Variants in CDS2 observed in about 807,000 individuals in gnomAD.
The protein encoded by CDS2 is phosphatidate cytidylyltransferase 2.
Under a neutral mutation model 59.0 loss-of-function variants are expected in CDS2, and 47 were observed. That is an observed-to-expected ratio of 0.80 (90% confidence interval 0.63 to 1.02). The LOEUF (loss-of-function observed/expected upper bound fraction) is 1.02, where lower values mean the gene tolerates loss of function less well. Ranked by LOEUF, CDS2 falls within the 50% of genes least tolerant of loss-of-function variation. The pLI is 0.00. For synonymous variants in CDS2, 207 were observed against 206.4 expected, an observed-to-expected ratio of 1.00 and a Z score of -0.02; for missense variants, 356 against 558.9, an observed-to-expected ratio of 0.64 and a Z score of 3.66.
At chr20:5,186,634 G>T (rs761393310) in intron 9 of CDS2, 53 bp from the exon 10 acceptor site, 20 of 1,601,148 alleles carry the variant, frequency 1.2e-5, no homozygotes, top group Non-Finnish European at 1.7e-5. Flanking sequence ...CTGTGTCTGG[G>T]CTGGATGGTT....
intron 1 of CDS2, among the ~76,000 whole-genome samples, chr20:5,142,111 C>T (rs1026238907): frequency 3.4e-4 from 51 of 152,190 alleles, no homozygotes; most frequent in African/African-American, 1.2e-3. Context: ...GCCAGGAGTT[C>T]AAGACAAGCC....
intron 1 of CDS2, among the ~76,000 whole-genome samples, chr20:5,146,375 AAG>A (rs2090743885): frequency 6.6e-6 from 1 of 152,122 alleles, no homozygotes; most frequent in Admixed American, 6.5e-5. Context: ...AAACCGATGA[AAG>A]AGTCAGGAGA....
intron 1 of CDS2, among the ~76,000 whole-genome samples, chr20:5,137,967 T>C (rs940063045): frequency 2.6e-5 from 4 of 151,346 alleles, no homozygotes; most frequent in Non-Finnish European, 5.9e-5. Flanking sequence ...CCCAGCTAAT[T>C]TGCATATTTT....
At chr20:5,149,901 A>G (rs754792391) in intron 1 of CDS2, among the ~76,000 whole-genome samples, 1 of 151,872 alleles carries the variant, frequency 6.6e-6, no homozygotes, top group Non-Finnish European at 1.5e-5. Flanking sequence ...TTTGTAGTAG[A>G]GATGGGGTTT....
chr20:5,161,766 G>A (rs771457226), intron 1 of CDS2, among the ~76,000 whole-genome samples: 5 of 152,082 alleles, frequency 3.3e-5, no homozygotes, highest in African/African-American at 4.8e-5. Context: ...TTGTCTCCAG[G>A]CCTAGCCCTT....
chr20:5,186,949 C>A, intron 10 of CDS2, 110 bp downstream of exon 10: 1 of 1,231,064 alleles, frequency 8.1e-7, no homozygotes, highest in Non-Finnish European at 1.2e-6. Context: ...CTTCCCAAAG[C>A]TGTAAGCCCC....
chr20:5,141,306 C>T (rs187152742), intron 1 of CDS2, among the ~76,000 whole-genome samples: 45 of 152,298 alleles, frequency 3.0e-4, no homozygotes, highest in Non-Finnish European at 1.5e-5. Context: ...AGATAGTATC[C>T]TTTTTGTTTA....
chr20:5,187,081 G>A, intron 10 of CDS2: 1 of 242,160 alleles, frequency 4.1e-6, no homozygotes, highest in Non-Finnish European at 8.5e-6. Context: ...AGGGCCCTGG[G>A]ATCCTTTTAG....
At chr20:5,183,195 T>A in intron 7 of CDS2, 52 bp downstream of exon 7, 1 of 1,464,584 alleles carries the variant, frequency 6.8e-7, no homozygotes, top group Non-Finnish European at 9.6e-7. Flanking sequence ...GTTTCTCGTG[T>A]ACAGATACCC....
At position 5,178,798 on chromosome 20, in the gene CDS2, G is replaced by T. The variant is rs771826812; in HGVS notation, c.390-19G>T. On this transcript the variant is annotated intron_variant, in intron 4 of 12. Coordinates refer to ENST00000460006, the MANE Select transcript of CDS2 (RefSeq NM_003818.4). ...AGGCAAGGGTGCTCCCCACGGCAAT[G>T]ACCTGTCTTCATTTACAGGTACTTT... 5.6e-6 allele frequency: 9 copies of T among 1,613,926 alleles called. No homozygotes were observed. The South Asian group carries it at 8.8e-5, about 16-fold the overall frequency.
rs187259455 is a variant in CDS2, at chr20:5,156,181, G to T, written c.58-17342G>T. Among the ~76,000 whole-genome samples the T allele has an allele frequency of 2.1e-3, 313 of 152,256 alleles. 2 individuals carry two copies. The highest frequency in any genetic ancestry group is 7.1e-3 in the African/African-American group (293 of 41,556). On this transcript the variant is annotated intron_variant, in intron 1 of 12. Transcript: ENST00000460006. ...TTGATCTGCAGGCTTCAGCAAGGGT[G>T]CTAGCTGTGAGAATGGGAAAGACCC...
At chr20:5,166,764 G>A (rs552158426) in intron 1 of CDS2, among the ~76,000 whole-genome samples, 3 of 152,300 alleles carry the variant, frequency 2.0e-5, no homozygotes, top group African/African-American at 4.8e-5. Flanking sequence ...GCTGGGTTTC[G>A]TGACAAAGTC....
At position 5,191,514 on chromosome 20, in the gene CDS2, T is replaced by G. The variant is rs376154035; in HGVS notation, c.*1280T>G. Reference sequence around the variant, plus strand: ...AGTGATGGAGTGCGGGAGAGAGAACTTGGCACCCAAATATATCAAACTATT... The same window carrying G: ...AGTGATGGAGTGCGGGAGAGAGAACGTGGCACCCAAATATATCAAACTATT... On this transcript the variant is annotated 3_prime_UTR_variant, in exon 13 of 13. Coordinates refer to ENST00000460006, the MANE Select transcript of CDS2 (RefSeq NM_003818.4). 3.9e-5 allele frequency: 6 copies of G among 152,302 alleles called. No homozygotes were observed. In the East Asian group the frequency reaches 7.7e-4, roughly 20 times the overall value. The allele number at this position is 152,302 out of a possible 1,614,324, so 9.4% of individuals were successfully genotyped here.
intron 11 of CDS2, 94 bp from the exon 12 acceptor site, chr20:5,189,641 C>T (rs2091097446): frequency 1.2e-6 from 1 of 852,206 alleles, no homozygotes; most frequent in Non-Finnish European, 1.9e-6. Flanking sequence ...CTCAGCTACT[C>T]AGCACAGAAG....
intron 1 of CDS2, among the ~76,000 whole-genome samples, chr20:5,153,257 T>A (rs1280266516): frequency 6.6e-6 from 1 of 152,248 alleles, no homozygotes; most frequent in African/African-American, 2.4e-5. Context: ...ATACTTTTTA[T>A]GTACACTTTT....
rs150527816 is a variant in CDS2 at position 5,173,589 on chromosome 20, G to A, written c.124G>A (p.Ala42Thr). The change falls in exon 2 of 13, where the codon GCA becomes ACA. Residue 42 changes from alanine to threonine, a missense_variant. Around this residue, in one of 5 missense-constraint regions of CDS2, gnomAD observed 107 missense variants for 129.7 expected, o/e 0.82. Coordinates refer to ENST00000460006, the MANE Select transcript of CDS2 (RefSeq NM_003818.4). ...ASDSESRAES[A>T]PLPVSADDTP... is the part of the protein sequence containing the mutation. ...GGACAGTGAGAGCCGGGCAGAATCC[G>A]CACCCCTGCCAGTCTCTGCAGATGA... 354 of 1,614,138 alleles carry A rather than the reference G, an allele frequency of 2.2e-4. No individual in the cohort carries two copies. The African/African-American group carries it at 3.0e-3, about 14-fold the overall frequency.
At chr20:5,179,749 G>T (rs1245807204) in intron 5 of CDS2, among the ~76,000 whole-genome samples, 2 of 152,216 alleles carry the variant, frequency 1.3e-5, no homozygotes, top group Admixed American at 6.5e-5. Context: ...AGCTAAAACT[G>T]CAGGGTTACT....
At chr20:5,174,903 T>G (rs920401037) in intron 2 of CDS2, among the ~76,000 whole-genome samples, 4 of 152,198 alleles carry the variant, frequency 2.6e-5, no homozygotes, top group Non-Finnish European at 5.9e-5. Flanking sequence ...CAGAGGGCAC[T>G]ACATTTCCCT....
At chr20:5,139,815 T>G (rs891032630) in intron 1 of CDS2, among the ~76,000 whole-genome samples, 9 of 150,246 alleles carry the variant, frequency 6.0e-5, no homozygotes, top group Non-Finnish European at 1.2e-4. Context: ...TTTTTTTTTT[T>G]TGAGATGGAG....
Sources: allele counts gnomAD v4.1 joint callset (sites outside exome capture counted in the v4.1 genomes callset), GRCh38; gene constraint gnomAD v4.1.1; regional missense constraint gnomAD v4.1.1; transcripts MANE v1.5; gene names NCBI Gene and HGNC (gene_info 2026-07-23, HGNC 2026-07-21).